The following LRRN4 variants were observed in gnomAD, a reference collection of about 807,000 sequenced individuals.
LRRN4 encodes leucine-rich repeat neuronal protein 4.
Under a neutral mutation model 22.3 loss-of-function variants are expected in LRRN4, and 26 were observed. The ratio of observed to expected loss-of-function variants is 1.16; its 90% confidence interval spans 0.85 to 1.62. The LOEUF is 1.62. LRRN4 is among the 40% of genes most tolerant of loss of function. LRRN4 has a pLI of 0.00. For synonymous variants in LRRN4, 496 were observed against 486.2 expected, an observed-to-expected ratio of 1.02 and a Z score of -0.26; for missense variants, 1,070 against 1,008.5, an observed-to-expected ratio of 1.06 and a Z score of -0.83.
chr20:6,040,790 C>T lies in LRRN4; in HGVS notation c.*232G>A, dbSNP rs552004462. ...AAGAAGGCCTGGCGGCAGTGGGGAG[C>T]GATCTGGCATTGACCATCAGGTTTC... On this transcript the variant is annotated 3_prime_UTR_variant, in exon 5 of 5. Coordinates refer to ENST00000378858, the MANE Select transcript of LRRN4 (RefSeq NM_152611.5). 3 of 591,430 alleles carry T rather than the reference C, an allele frequency of 5.1e-6. No homozygotes were observed. Among genetic ancestry groups the T allele is most frequent in the Admixed American group, 3.3e-5 (1 of 30,572 alleles). 36.6% of individuals were successfully genotyped at this position (591,430 alleles called of 1,614,324 possible). A position where few individuals can be genotyped will look rare whatever the true frequency, so the allele number is the denominator to read the frequency against.
intron 3 of LRRN4, among the ~76,000 whole-genome samples, chr20:6,049,109 C>T (rs1192101751): frequency 6.6e-6 from 1 of 152,170 alleles, no homozygotes; most frequent in East Asian, 1.9e-4. Context: ...AAGTGGTTAT[C>T]ACTTCTCAAC....
At chr20:6,044,745 A>G (rs747236639) in intron 3 of LRRN4, 65 bp from the exon 4 acceptor site, 3 of 1,389,344 alleles carry the variant, frequency 2.2e-6, no homozygotes, top group Non-Finnish European at 2.9e-6. Flanking sequence ...ATATTCCCAG[A>G]GAGGCATGGT....
Position 6,041,471 on chromosome 20 carries a change from T to A in LRRN4, c.1774A>T (p.Thr592Ser). Residue 592 changes from threonine (T) to serine (S), a missense_variant, in exon 5 of 5, where the codon ACG (threonine) becomes TCG (serine). Physicochemically the swap from Thr to Ser is moderately conservative, Grantham distance 58. Coordinates refer to ENST00000378858, the MANE Select transcript of LRRN4 (RefSeq NM_152611.5). The surrounding 1 kb of genome is among the most constrained non-coding windows in gnomAD (Gnocchi z 9.4). ...CAGTGGACCAGCGCCGACGTGTCCG[T>A]GGTCTCCGTCACCCCCTGCAGCCTG... is the stretch of plus-strand genomic sequence containing the variant. ...PPRLQGVTETTDTSALVHWCA... is the reference protein window; with the variant it reads ...PPRLQGVTETSDTSALVHWCA... 2 of 1,555,980 alleles carry A rather than the reference T, an allele frequency of 1.3e-6. No homozygotes were observed. Among genetic ancestry groups the A allele is most frequent in the Non-Finnish European group, 1.7e-6 (2 of 1,149,718 alleles).
chr20:6,052,423 G>C lies in LRRN4; in HGVS notation c.377C>G (p.Thr126Ser). 1 of 1,545,988 alleles carries C rather than the reference G, an allele frequency of 6.5e-7. No homozygotes were observed. The highest frequency in any genetic ancestry group is 8.7e-7 in the Non-Finnish European group (1 of 1,154,864). ...WGPGGPAGLH[T>S]LDLSYNQLAA... Reference sequence around the variant, plus strand: ...CAGCTGGTTGTAGCTGAGGTCCAGGGTGTGCAGCCCCGCCGGCCCACCCGG... The same window carrying C: ...CAGCTGGTTGTAGCTGAGGTCCAGGCTGTGCAGCCCCGCCGGCCCACCCGG... Residue 126 changes from threonine to serine, a missense_variant, in exon 2 of 5, where the codon ACC becomes AGC. Thr to Ser is a moderately conservative substitution (Grantham distance 58). Coordinates refer to ENST00000378858, the MANE Select transcript of LRRN4 (RefSeq NM_152611.5).
At position 6,041,046 on chromosome 20, in the gene LRRN4, C is replaced by A. The variant is rs774157248; in HGVS notation, c.2199G>T (p.Pro733=). 2.5e-6 allele frequency: 4 copies of A among 1,613,870 alleles called. No homozygotes were observed. The African/African-American group carries it at 5.3e-5, about 22-fold the overall frequency. ...AYKNPAFDDY[P]LGLQTVS ...GCTAACTGACGGTCTGGAGCCCCAGCGGGTAATCATCAAAGGCCGGGTTTT... is the reference window on the plus strand; with the variant it reads ...GCTAACTGACGGTCTGGAGCCCCAGAGGGTAATCATCAAAGGCCGGGTTTT... The change falls in exon 5 of 5, where the codon CCG becomes CCT. Residue 733 remains proline, a synonymous_variant. Coordinates refer to ENST00000378858, the MANE Select transcript of LRRN4 (RefSeq NM_152611.5). The surrounding 1 kb of genome is among the most constrained non-coding windows in gnomAD (Gnocchi z 9.4).
At chr20:6,053,021 C>A (rs987801604) in intron 1 of LRRN4, among the ~76,000 whole-genome samples, 2 of 152,126 alleles carry the variant, frequency 1.3e-5, no homozygotes, top group African/African-American at 4.8e-5. Context: ...CACGGTGATA[C>A]CCCCTGCTCT....
intron 4 of LRRN4, among the ~76,000 whole-genome samples, chr20:6,044,290 A>G (rs1467021230): frequency 6.6e-6 from 1 of 152,140 alleles, no homozygotes; most frequent in Admixed American, 6.5e-5. Context: ...GGAAGTGAGG[A>G]GTAACACCTC....
At position 6,052,440 on chromosome 20, in the gene LRRN4, C is replaced by CTG; in HGVS notation, c.359_360insCA (p.Pro121SerfsTer26). The CTG allele has an allele frequency of 6.5e-7, 1 of 1,549,256 alleles. No individual in the cohort carries two copies. The highest frequency in any genetic ancestry group is 2.4e-5 in the East Asian group (1 of 41,786). On this transcript the variant is annotated frameshift_variant, in exon 2 of 5. Coordinates refer to ENST00000378858, the MANE Select transcript of LRRN4 (RefSeq NM_152611.5). LOFTEE classifies it high-confidence loss of function. Reference sequence around the variant, plus strand: ...GGTCCAGGGTGTGCAGCCCCGCCGGCCCACCCGGGCCCCAGCGCAGCGCGG... The same window carrying CTG: ...GGTCCAGGGTGTGCAGCCCCGCCGGCTGCCACCCGGGCCCCAGCGCAGCGCGG...
Position 6,042,064 on chromosome 20 carries a change from G to A in LRRN4, c.1181C>T (p.Ala394Val), listed in dbSNP as rs750923397. ...GTCTCCCGCAGGCCGGGTGGCGGGG[G>A]CTGCGCTGGGCGCGACGGTGGTACC... ...AQGTTVAPSAAPATRPAGDQQ... is the reference protein window; with the variant it reads ...AQGTTVAPSAVPATRPAGDQQ... Residue 394 changes from alanine (A) to valine (V), a missense_variant, in exon 5 of 5, where the codon GCC becomes GTC. Physicochemically the swap from Ala to Val is moderately conservative, Grantham distance 64. Transcript: ENST00000378858. The A allele has an allele frequency of 1.5e-5, 24 of 1,614,028 alleles. No individual in the cohort carries two copies. The highest frequency in any genetic ancestry group is 2.0e-5 in the Non-Finnish European group (24 of 1,179,950).
In LRRN4 at chr20:6,041,297, A is replaced by T; in HGVS notation, c.1948T>A (p.Cys650Ser). Reference sequence around the variant, plus strand: ...CCCGCCCTGTTGGCCGCCAGCACGCACACGCGGTAGGTGGTGCCCGGCGAC... The same window carrying T: ...CCCGCCCTGTTGGCCGCCAGCACGCTCACGCGGTAGGTGGTGCCCGGCGAC... Reference protein sequence around the residue: ...GLSPGTTYRVCVLAANRAGLS... With the variant: ...GLSPGTTYRVSVLAANRAGLS... The change falls in exon 5 of 5, where the codon TGC becomes AGC. Residue 650 changes from cysteine (C) to serine (S), a missense_variant. Cys to Ser is a moderately radical substitution (Grantham distance 112). Transcript: ENST00000378858. This position sits in a 1 kb window ranked among gnomAD's most constrained non-coding sequence, Gnocchi z 9.4. 1 of 1,594,778 alleles carries T rather than the reference A, an allele frequency of 6.3e-7. No individual in the cohort carries two copies. The highest frequency in any genetic ancestry group is 8.5e-7 in the Non-Finnish European group (1 of 1,173,988).
At chr20:6,043,091 G>A (rs1981011702) in intron 4 of LRRN4, among the ~76,000 whole-genome samples, 1 of 152,152 alleles carries the variant, frequency 6.6e-6, no homozygotes, top group Non-Finnish European at 1.5e-5. Context: ...AGTAACTCAG[G>A]TGAAATAGCT....
rs1980906287 is a variant in LRRN4 at position 6,040,917 on chromosome 20, G to C, written c.*105C>G. ...TGTGCTCAAGGCATTCTGGCTTCAC[G>C]GGAATTAGAAACCCTAGGAGCGGAT... is the stretch of plus-strand genomic sequence containing the variant. On this transcript the variant is annotated 3_prime_UTR_variant, in exon 5 of 5. Transcript: ENST00000378858. 2 of 1,485,632 alleles carry C rather than the reference G, an allele frequency of 1.3e-6. No homozygotes were observed. Among genetic ancestry groups the C allele is most frequent in the Admixed American group, 2.1e-5 (1 of 48,290 alleles). The allele number at this position is 1,485,632 out of a possible 1,614,324, so 92.0% of individuals were successfully genotyped here. A position where few individuals can be genotyped will look rare whatever the true frequency, so the allele number is the denominator to read the frequency against.
At chr20:6,051,048 A>G (rs6085368) in intron 2 of LRRN4, 65 bp from the exon 3 acceptor site, 1 of 1,435,448 alleles carries the variant, frequency 7.0e-7, no homozygotes, top group Non-Finnish European at 9.7e-7. Context: ...CCAGCACGGC[A>G]TGAAGGAAGA....
chr20:6,049,608 C>A (rs1981197497), intron 3 of LRRN4, among the ~76,000 whole-genome samples: 1 of 152,150 alleles, frequency 6.6e-6, no homozygotes, highest in South Asian at 2.1e-4. Flanking sequence ...TCAAGCAATT[C>A]TCCTGCCTCA....
intron 3 of LRRN4, among the ~76,000 whole-genome samples, chr20:6,047,593 C>T (rs6085362): frequency 0.097 from 14,602 of 150,282 alleles, 864 homozygotes; most frequent in Middle Eastern, 0.22. Context: ...GAGACCATTC[C>T]GGCCAACATG....
At chr20:6,053,800 C>T (rs45579842) in intron 1 of LRRN4, 30 bp downstream of exon 1, 11,688 of 152,318 alleles carry the variant, frequency 0.077, 502 homozygotes, top group South Asian at 0.11. Context: ...AAGCCAGGAG[C>T]GTGTGCACCC....
At chr20:6,043,348 G>T (rs1035341868) in intron 4 of LRRN4, among the ~76,000 whole-genome samples, 5 of 152,194 alleles carry the variant, frequency 3.3e-5, no homozygotes, top group Non-Finnish European at 7.3e-5. Context: ...CCAGTAGTCT[G>T]AGGCTGCAGT....
chr20:6,044,826 T>TATATATATATATATA, intron 3 of LRRN4, 146 bp from the exon 4 acceptor site: 1 of 634,644 alleles, frequency 1.6e-6, no homozygotes, highest in Non-Finnish European at 2.3e-6. Flanking sequence ...GGCAAAACTC[T>TATATATATATATATA]TAATGACCTC....
rs1304935935 is a variant in LRRN4 at position 6,042,030 on chromosome 20, ACT to A, written c.1213_1214del (p.Ser405CysfsTer6). 7 of 1,613,608 alleles carry A rather than the reference ACT, an allele frequency of 4.3e-6. No homozygotes were observed. In the African/African-American group the frequency reaches 5.3e-5, roughly 12 times the overall value. Reference protein sequence around the residue: ...PATRPAGDQQSVSKAPNVGSR... With the variant: ...PATRPAGDQQXVSKAPNVGSR... The stretch of plus-strand genomic sequence containing the variant: ...AGCCCACGTTAGGGGCCTTGGAGAC[ACT>A]CTGCTGGTCTCCCGCAGGCCGGGTG... On this transcript the variant is annotated frameshift_variant, in exon 5 of 5. Transcript: ENST00000378858. LOFTEE classifies it low-confidence loss of function (END_TRUNC).
Sources: gnomAD v4.1 joint callset for allele counts (sites outside exome capture counted in the v4.1 genomes callset) on GRCh38, gnomAD v4.1.1 for gene constraint, Gnocchi (gnomAD v3.1) non-coding constraint, MANE v1.5 for transcripts, NCBI Gene and HGNC (gene_info 2026-07-23, HGNC 2026-07-21) for gene names.